Variants in OLFM2 observed in about 807,000 individuals in gnomAD.
OLFM2 encodes olfactomedin 2.
In OLFM2, 20 loss-of-function variants were observed where a neutral mutation model predicts 43.9. That is an observed-to-expected ratio of 0.46 (90% confidence interval 0.32 to 0.66). OLFM2 has a LOEUF of 0.66. Among genes scored for constraint, OLFM2 ranks in the 30% least tolerant of loss-of-function variants. OLFM2 has a pLI of 0.04. For synonymous variants in OLFM2, 268 were observed against 278.6 expected (o/e 0.96, Z 0.38); for missense variants, 416 against 643.6 (o/e 0.65, Z 3.83).
chr19:9,858,741 G>GGTA (rs2046343685), intron 2 of OLFM2, among the ~76,000 whole-genome samples: 1 of 152,182 alleles, frequency 6.6e-6, no homozygotes, highest in African/African-American at 2.4e-5. Flanking sequence ...CCCTGGCTAA[G>GGTA]GTAGACTCCC....
intron 1 of OLFM2, among the ~76,000 whole-genome samples, chr19:9,895,442 C>T (rs1195455807): frequency 6.6e-6 from 1 of 151,944 alleles, no homozygotes; most frequent in Non-Finnish European, 1.5e-5. Flanking sequence ...CTTCAGTGAG[C>T]CGTGATCACA....
intron 1 of OLFM2, among the ~76,000 whole-genome samples, chr19:9,872,383 C>A (rs1417094907): frequency 6.6e-6 from 1 of 152,020 alleles, no homozygotes; most frequent in Non-Finnish European, 1.5e-5. Context: ...GGCATGGTGG[C>A]ACGAGCCTGT....
Position 9,857,460 on chromosome 19 carries a change from T to C in OLFM2, c.383A>G (p.Glu128Gly). 1.2e-6 allele frequency: 2 copies of C among 1,613,926 alleles called. No homozygotes were observed. The highest frequency in any genetic ancestry group is 1.7e-6 in the Non-Finnish European group (2 of 1,180,024). ...SFQELKDRMT[E>G]LLPLSSVLEQ... Reference sequence around the variant, plus strand: ...CAGGACCGAGCTCAGGGGCAACAGTTCCGTCATCCTGTCCTTCAGCTCCTG... The same window carrying C: ...CAGGACCGAGCTCAGGGGCAACAGTCCCGTCATCCTGTCCTTCAGCTCCTG... The change falls in exon 4 of 6, where the codon GAA becomes GGA. Residue 128 changes from glutamate to glycine, a missense_variant. Transcript: ENST00000264833. This position sits in a 1 kb window ranked among gnomAD's most constrained non-coding sequence, Gnocchi z 5.7.
intron 1 of OLFM2, among the ~76,000 whole-genome samples, chr19:9,895,069 A>G (rs766899759): frequency 3.3e-5 from 5 of 152,064 alleles, no homozygotes; most frequent in South Asian, 2.1e-4. Flanking sequence ...ACACCCGGGC[A>G]TTATCCTCAC....
Position 9,936,324 on chromosome 19 carries a change from A to ACAGCAG in OLFM2, c.37_42dup (p.Leu13_Leu14dup). 7 of 1,514,234 alleles carry ACAGCAG rather than the reference A, an allele frequency of 4.6e-6. No homozygotes were observed. The highest frequency in any genetic ancestry group is 5.3e-6 in the Non-Finnish European group (6 of 1,138,398). 93.8% of individuals were successfully genotyped at this position (1,514,234 alleles called of 1,614,324 possible). A position where few individuals can be genotyped will look rare whatever the true frequency, so the allele number is the denominator to read the frequency against. On this transcript the variant is annotated inframe_insertion, in exon 1 of 6. Transcript: ENST00000264833. The stretch of plus-strand genomic sequence containing the variant: ...CCTACCTGTCCGGCCAGGCCTGAGC[A>ACAGCAG]CAGCAGCAGCAGCAGCGGCGGCGGG...
At chr19:9,865,314 C>T (rs2046392554) in intron 1 of OLFM2, among the ~76,000 whole-genome samples, 1 of 151,100 alleles carries the variant, frequency 6.6e-6, no homozygotes, top group Non-Finnish European at 1.5e-5. Context: ...GACTAAAGGC[C>T]TTTAGTCTCA....
chr19:9,857,979 C>T lies in OLFM2; in HGVS notation c.214-118G>A. On this transcript the variant is annotated intron_variant, in intron 2 of 5. Coordinates refer to ENST00000264833, the MANE Select transcript of OLFM2 (RefSeq NM_058164.4). This position sits in a 1 kb window ranked among gnomAD's most constrained non-coding sequence, Gnocchi z 5.7. ...TACAAACACCACACCGACGAGGCCA[C>T]CTTCTCCTCCCCTGAGCTTACCAGC... 1 of 1,266,464 alleles carries T rather than the reference C, an allele frequency of 7.9e-7. No individual in the cohort carries two copies. The highest frequency in any genetic ancestry group is 1.1e-6 in the Non-Finnish European group (1 of 885,344). The allele number at this position is 1,266,464 out of a possible 1,614,324, so 78.5% of individuals were successfully genotyped here.
chr19:9,864,489 T>G (rs1280490268), intron 1 of OLFM2, among the ~76,000 whole-genome samples: 2 of 152,042 alleles, frequency 1.3e-5, no homozygotes, highest in African/African-American at 4.8e-5. Context: ...TTAGTAGAGA[T>G]AGGGTTTCAC....
intron 1 of OLFM2, among the ~76,000 whole-genome samples, chr19:9,900,373 G>A (rs1198267737): frequency 1.3e-5 from 2 of 152,154 alleles, no homozygotes; most frequent in East Asian, 3.9e-4. Flanking sequence ...ACACCACGGT[G>A]GACACAAGCA....
chr19:9,903,080 G>A (rs1182904391), intron 1 of OLFM2, among the ~76,000 whole-genome samples: 1 of 152,144 alleles, frequency 6.6e-6, no homozygotes, highest in Non-Finnish European at 1.5e-5. Context: ...TTGTTGTAGA[G>A]ACAGGATCTC....
chr19:9,915,177 T>C (rs567396402), intron 1 of OLFM2, among the ~76,000 whole-genome samples: 1 of 152,034 alleles, frequency 6.6e-6, no homozygotes, highest in South Asian at 2.1e-4. Flanking sequence ...TCCCAGGCAC[T>C]GTGAACAACA....
In OLFM2 at chr19:9,857,010, G is replaced by C; in HGVS notation, c.581-97C>G. On this transcript the variant is annotated intron_variant, in intron 4 of 5. Coordinates refer to ENST00000264833, the MANE Select transcript of OLFM2 (RefSeq NM_058164.4). This position sits in a 1 kb window ranked among gnomAD's most constrained non-coding sequence, Gnocchi z 5.7. ...TGCTGTGATCAAGTTGGGAAAGCTG[G>C]GACCAGGGATGAGGGAAGACTCAAA... 2.7e-6 allele frequency: 3 copies of C among 1,099,946 alleles called. No individual in the cohort carries two copies. The highest frequency in any genetic ancestry group is 4.1e-6 in the Non-Finnish European group (3 of 740,006). The allele number at this position is 1,099,946 out of a possible 1,614,324, so 68.1% of individuals were successfully genotyped here. A position where few individuals can be genotyped will look rare whatever the true frequency, so the allele number is the denominator to read the frequency against.
At position 9,856,699 on chromosome 19, in the gene OLFM2, C is replaced by A; in HGVS notation, c.687+108G>T. ...CAATGGCCCTGGGGGATCCAGGACA[C>A]TTTGGGCTACAAGACAGTCACCAGT... On this transcript the variant is annotated intron_variant, in intron 5 of 5. Transcript: ENST00000264833. This position sits in a 1 kb window ranked among gnomAD's most constrained non-coding sequence, Gnocchi z 4.0. 1.1e-6 allele frequency: 1 copy of A among 886,244 alleles called. No individual in the cohort carries two copies. Among genetic ancestry groups the A allele is most frequent in the Non-Finnish European group, 1.8e-6 (1 of 559,820 alleles). The allele number at this position is 886,244 out of a possible 1,614,324, so 54.9% of individuals were successfully genotyped here. A position where few individuals can be genotyped will look rare whatever the true frequency, so the allele number is the denominator to read the frequency against.
At chr19:9,878,125 C>G (rs1196290864) in intron 1 of OLFM2, among the ~76,000 whole-genome samples, 1 of 152,184 alleles carries the variant, frequency 6.6e-6, no homozygotes. Flanking sequence ...GCTCGGATTA[C>G]AGGCGTGAGC....
chr19:9,889,953 G>A (rs771170820), intron 1 of OLFM2, among the ~76,000 whole-genome samples: 3 of 151,928 alleles, frequency 2.0e-5, no homozygotes, highest in Admixed American at 6.6e-5. Flanking sequence ...TCACTGCCAG[G>A]CCCCTATAAA....
At chr19:9,905,532 T>C (rs150048881) in intron 1 of OLFM2, among the ~76,000 whole-genome samples, 5,172 of 150,208 alleles carry the variant, frequency 0.034, 186 homozygotes, top group African/African-American at 0.095. Context: ...TTCCAGTTAC[T>C]CAGGAGGCTG....
chr19:9,862,861 G>C (rs1376081623), intron 1 of OLFM2, among the ~76,000 whole-genome samples: 1 of 151,920 alleles, frequency 6.6e-6, no homozygotes, highest in Non-Finnish European at 1.5e-5. Context: ...TATAATCCCA[G>C]CTACTTGGGA....
intron 1 of OLFM2, among the ~76,000 whole-genome samples, chr19:9,877,591 TA>T (rs1201062769): frequency 6.6e-6 from 1 of 151,702 alleles, no homozygotes; most frequent in African/African-American, 2.4e-5. Flanking sequence ...AAAATAAAAA[TA>T]AAAAAAGTAA....
chr19:9,874,326 G>A (rs2046467963), intron 1 of OLFM2, among the ~76,000 whole-genome samples: 2 of 33,152 alleles, frequency 6.0e-5, no homozygotes, highest in East Asian at 5.4e-4. Context: ...TGCCCCACTG[G>A]CCTTTTTTTT....
Sources: allele counts gnomAD v4.1 joint callset (sites outside exome capture counted in the v4.1 genomes callset), GRCh38; gene constraint gnomAD v4.1.1; non-coding constraint Gnocchi (gnomAD v3.1); transcripts MANE v1.5; gene names NCBI Gene and HGNC (gene_info 2026-07-23, HGNC 2026-07-21).